Variants in GOLGA4 observed in about 807,000 individuals in gnomAD.
GOLGA4 encodes golgin subfamily A member 4.
GOLGA4 carries 169 observed loss-of-function variants against 265.9 expected under a neutral mutation model. The observed-to-expected ratio is 0.64, with a 90% confidence interval of 0.56 to 0.72. The LOEUF (loss-of-function observed/expected upper bound fraction) is 0.72, where lower values mean the gene tolerates loss of function less well. Among genes scored for constraint, GOLGA4 ranks in the 30% least tolerant of loss-of-function variants. GOLGA4 has a pLI of 0.00. For missense variants in GOLGA4, 2,482 were observed against 2,483.4 expected (o/e 1.00, Z 0.01); for synonymous variants, 923 against 855.8 (o/e 1.08, Z -1.37).
At position 37,296,121 on chromosome 3, in the gene GOLGA4, C is replaced by T. The variant is rs760649910; in HGVS notation, c.716C>T (p.Pro239Leu). Residue 239 changes from proline to leucine, a missense_variant, in exon 7 of 24, where the codon CCG becomes CTG. Around this residue, in one of 3 missense-constraint regions of GOLGA4, gnomAD observed 1,536 missense variants for 1,483.7 expected, o/e 1.04. Coordinates refer to ENST00000361924, the MANE Select transcript of GOLGA4 (RefSeq NM_002078.5). The part of the protein sequence containing the change: ...SLLKQRLRNG[P>L]MNVDVLKPLP... ...CTGAAACAACGATTACGAAATGGCC[C>T]GATGAATGTTGATGTACTGAAACCA... 14 of 1,613,450 alleles carry T rather than the reference C, an allele frequency of 8.7e-6. No homozygotes were observed. Among genetic ancestry groups the T allele is most frequent in the East Asian group, 2.2e-5 (1 of 44,894 alleles).
At chr3:37,349,583 A>T (rs2097067241) in intron 21 of GOLGA4, among the ~76,000 whole-genome samples, 1 of 152,164 alleles carries the variant, frequency 6.6e-6, no homozygotes, top group Non-Finnish European at 1.5e-5. Context: ...CAGGGCCTTG[A>T]ATGTTTTCAG....
chr3:37,343,937 A>T (rs1260124222), intron 20 of GOLGA4, among the ~76,000 whole-genome samples: 1 of 152,206 alleles, frequency 6.6e-6, no homozygotes, highest in Non-Finnish European at 1.5e-5. Context: ...CTGATCTGTT[A>T]CTTCAGTAGT....
chr3:37,261,668 A>G (rs1195451351), intron 2 of GOLGA4, among the ~76,000 whole-genome samples: 1 of 152,124 alleles, frequency 6.6e-6, no homozygotes, highest in Non-Finnish European at 1.5e-5. Flanking sequence ...TACAGAGGAG[A>G]TTTTGTGTTA....
chr3:37,349,756 C>T (rs1035907134), intron 21 of GOLGA4, among the ~76,000 whole-genome samples: 2 of 152,068 alleles, frequency 1.3e-5, no homozygotes, highest in African/African-American at 2.4e-5. Flanking sequence ...TAGAATAAGT[C>T]GGAGTATGTT....
intron 19 of GOLGA4, among the ~76,000 whole-genome samples, chr3:37,338,913 G>A (rs1048374893): frequency 1.3e-5 from 2 of 148,438 alleles, no homozygotes; most frequent in Non-Finnish European, 3.0e-5. Flanking sequence ...CCAGGCTGGA[G>A]TGTAGTGGCA....
chr3:37,305,942 A>AT (rs1219384715), intron 10 of GOLGA4, among the ~76,000 whole-genome samples: 1 of 152,036 alleles, frequency 6.6e-6, no homozygotes, highest in South Asian at 2.1e-4. Context: ...TGCTCCTCAT[A>AT]TTTTTTTCTA....
chr3:37,252,688 G>A (rs1389312695), intron 2 of GOLGA4, among the ~76,000 whole-genome samples: 17 of 151,972 alleles, frequency 1.1e-4, no homozygotes, highest in Non-Finnish European at 2.1e-4. Context: ...TTCTGGTGGT[G>A]GTCTTTCATT....
chr3:37,295,409 G>A (rs926567080), intron 6 of GOLGA4, among the ~76,000 whole-genome samples: 2 of 152,062 alleles, frequency 1.3e-5, no homozygotes, highest in African/African-American at 4.8e-5. Context: ...TGTAGAGATG[G>A]GGTCTCACTA....
chr3:37,269,375 G>A (rs758301205), intron 2 of GOLGA4, among the ~76,000 whole-genome samples: 5 of 152,140 alleles, frequency 3.3e-5, no homozygotes, highest in African/African-American at 7.2e-5. Context: ...CATGGGACAC[G>A]TTTACCTATG....
intron 16 of GOLGA4, among the ~76,000 whole-genome samples, chr3:37,331,481 C>G (rs2096990168): frequency 6.6e-6 from 1 of 152,222 alleles, no homozygotes; most frequent in Non-Finnish European, 1.5e-5. Flanking sequence ...TAGCAATTCT[C>G]AGCAAACACC....
intron 10 of GOLGA4, among the ~76,000 whole-genome samples, chr3:37,304,048 C>T (rs1166864422): frequency 6.6e-6 from 1 of 151,856 alleles, no homozygotes; most frequent in Non-Finnish European, 1.5e-5. Context: ...TGCTCTTAAC[C>T]ATATAGAGGT....
chr3:37,349,678 T>A (rs2097067612), intron 21 of GOLGA4, among the ~76,000 whole-genome samples: 1 of 152,152 alleles, frequency 6.6e-6, no homozygotes, highest in Admixed American at 6.6e-5. Context: ...TTTAGACATG[T>A]CTTTTGTGGG....
chr3:37,279,625 G>A (rs1386202996), intron 2 of GOLGA4, among the ~76,000 whole-genome samples: 3 of 152,166 alleles, frequency 2.0e-5, no homozygotes, highest in Admixed American at 6.5e-5. Context: ...GTCCTGCAGA[G>A]GCCCAGCGTG....
chr3:37,323,780 C>A lies in GOLGA4; in HGVS notation c.1894C>A (p.Gln632Lys), dbSNP rs747570157. ...QQDALWTEKLQVLKQQYQTEM... is the reference protein window; with the variant it reads ...QQDALWTEKLKVLKQQYQTEM... Reference sequence around the variant, plus strand: ...GGATGCCCTTTGGACTGAAAAACTCCAAGTCTTAAAGCAACAATATCAGAC... The same window carrying A: ...GGATGCCCTTTGGACTGAAAAACTCAAAGTCTTAAAGCAACAATATCAGAC... The change falls in exon 14 of 24, where the codon CAA (glutamine) becomes AAA (lysine). Residue 632 changes from glutamine (Q) to lysine (K), a missense_variant. Around this residue, in one of 3 missense-constraint regions of GOLGA4, gnomAD observed 1,536 missense variants for 1,483.7 expected, o/e 1.04. Coordinates refer to ENST00000361924, the MANE Select transcript of GOLGA4 (RefSeq NM_002078.5). 1.9e-6 allele frequency: 3 copies of A among 1,609,260 alleles called. No individual in the cohort carries two copies. The highest frequency in any genetic ancestry group is 2.7e-5 in the African/African-American group (2 of 74,440).
chr3:37,274,501 A>G (rs958321261), intron 2 of GOLGA4, among the ~76,000 whole-genome samples: 6 of 151,990 alleles, frequency 3.9e-5, no homozygotes, highest in Non-Finnish European at 8.8e-5. Context: ...AGACCAGCCC[A>G]GCCAACATAG....
chr3:37,348,454 T>C (rs1395947519), intron 21 of GOLGA4, among the ~76,000 whole-genome samples: 1 of 152,160 alleles, frequency 6.6e-6, no homozygotes, highest in Non-Finnish European at 1.5e-5. Context: ...TAGCTAAAAC[T>C]AATTTTCTCC....
intron 20 of GOLGA4, among the ~76,000 whole-genome samples, chr3:37,342,492 A>G (rs1345349986): frequency 6.6e-6 from 1 of 152,086 alleles, no homozygotes; most frequent in African/African-American, 2.4e-5. Context: ...CTTAATCATT[A>G]TCTTGTTCTT....
rs544668707 is a variant in GOLGA4 at position 37,302,451 on chromosome 3, AATAAGACACCCATCTGCTCATT to A, written c.1234+121_1234+142del. The A allele has an allele frequency of 1.3e-3, 1,162 of 864,032 alleles. 6 individuals carry two copies. In the African/African-American group the frequency reaches 0.017, roughly 13 times the overall value. 53.5% of individuals were successfully genotyped at this position (864,032 alleles called of 1,614,324 possible). A position where few individuals can be genotyped will look rare whatever the true frequency, so the allele number is the denominator to read the frequency against. Reference sequence around the variant, plus strand: ...AAAATTCTTAACTATAGAGGCTCCTAATAAGACACCCATCTGCTCATTAGAGGAGGCAGAGGTTGGCAAACTG... The same window carrying A: ...AAAATTCTTAACTATAGAGGCTCCTAAGAGGAGGCAGAGGTTGGCAAACTG... On this transcript the variant is annotated intron_variant, in intron 10 of 23. Transcript: ENST00000361924.
chr3:37,350,479 GAAATGCTTCCTATAATTCTGA>G (rs1288611900), intron 21 of GOLGA4, among the ~76,000 whole-genome samples: 3 of 152,078 alleles, frequency 2.0e-5, no homozygotes, highest in African/African-American at 7.2e-5. Context: ...TGATATTAGA[GAAATGCTTCCTATAATTCTGA>G]ATCCCTGAAT....
Sources: allele counts gnomAD v4.1 joint callset (sites outside exome capture counted in the v4.1 genomes callset), GRCh38; gene constraint gnomAD v4.1.1; regional missense constraint gnomAD v4.1.1; transcripts MANE v1.5; gene names NCBI Gene and HGNC (gene_info 2026-07-23, HGNC 2026-07-21).